Variants in PCDHGA8 observed in about 807,000 individuals in gnomAD.
The protein encoded by PCDHGA8 is protocadherin gamma subfamily A, 8.
Under a neutral mutation model 59.2 loss-of-function variants are expected in PCDHGA8, and 45 were observed. That is an observed-to-expected ratio of 0.76 (90% CI 0.60 to 0.98). The LOEUF is 0.98. PCDHGA8 is among the 50% of genes least tolerant of loss of function. The probability of loss-of-function intolerance (pLI) is 0.00; values close to 1 mark genes in which losing one functional copy is unlikely to be tolerated. For synonymous variants in PCDHGA8, 531 were observed against 519.0 expected, an observed-to-expected ratio of 1.02 and a Z score of -0.32; for missense variants, 1,257 against 1,196.2, an observed-to-expected ratio of 1.05 and a Z score of -0.75.
At chr5:141,500,182 A>ATTT (rs1199992745) in intron 2 of PCDHGA8, among the ~76,000 whole-genome samples, 1 of 131,622 alleles carries the variant, frequency 7.6e-6, no homozygotes, top group African/African-American at 3.1e-5. Context: ...CTTCATTTTT[A>ATTT]TTTTTATTTA....
intron 1 of PCDHGA8, chr5:141,428,437 C>G: frequency 2.5e-6 from 1 of 400,386 alleles, no homozygotes; most frequent in East Asian, 5.4e-5. Flanking sequence ...TAAGACTAGA[C>G]CAGGGGTTTT....
chr5:141,392,735 C>T lies in PCDHGA8; in HGVS notation c.-79C>T. The T allele has an allele frequency of 7.0e-7, 1 of 1,428,540 alleles. No individual in the cohort carries two copies. Among genetic ancestry groups the T allele is most frequent in the East Asian group, 2.5e-5 (1 of 39,462 alleles). 88.5% of individuals were successfully genotyped at this position (1,428,540 alleles called of 1,614,324 possible). A position where few individuals can be genotyped will look rare whatever the true frequency, so the allele number is the denominator to read the frequency against. ...CCAGGTTTCCGGAGGATTGTCATCT[C>T]CATAGCTGCGGCAAGAAACTAAATA... On this transcript the variant is annotated 5_prime_UTR_variant, in exon 1 of 4. Coordinates refer to ENST00000398604, the MANE Select transcript of PCDHGA8 (RefSeq NM_032088.2).
chr5:141,500,184 T>TTTTATTTA (rs58019021), intron 2 of PCDHGA8, among the ~76,000 whole-genome samples: 1,392 of 135,954 alleles, frequency 0.01, 12 homozygotes, highest in South Asian at 0.02. Flanking sequence ...TCATTTTTAT[T>TTTTATTTA]TTTATTTATT....
chr5:141,431,476 A>G lies in PCDHGA8; in HGVS notation c.2424+36239A>G, dbSNP rs975772031. 1.9e-6 allele frequency: 3 copies of G among 1,613,864 alleles called. No homozygotes were observed. Among genetic ancestry groups the G allele is most frequent in the Admixed American group, 3.3e-5 (2 of 60,032 alleles). ...TGGTTCTGGATGCGAACGACAACGC[A>G]CCAGCGTTTGCTCAGCCCGAGTACC... On this transcript the variant is annotated intron_variant, in intron 1 of 3. Coordinates refer to ENST00000398604, the MANE Select transcript of PCDHGA8 (RefSeq NM_032088.2). This position sits in a 1 kb window ranked among gnomAD's most constrained non-coding sequence, Gnocchi z 4.8.
At chr5:141,414,762 T>G in intron 1 of PCDHGA8, 1 of 1,614,210 alleles carries the variant, frequency 6.2e-7, no homozygotes. Context: ...ATGAGCAGTT[T>G]CATGAGCTAC....
rs1340366910 is a variant in PCDHGA8 at position 141,490,965 on chromosome 5, C to T, written c.2425-3842C>T. The T allele has an allele frequency of 2.5e-6, 4 of 1,613,738 alleles. No homozygotes were observed. The highest frequency in any genetic ancestry group is 2.7e-5 in the African/African-American group (2 of 74,934). On this transcript the variant is annotated intron_variant, in intron 1 of 3. Transcript: ENST00000398604. This position sits in a 1 kb window ranked among gnomAD's most constrained non-coding sequence, Gnocchi z 5.4. Reference sequence around the variant, plus strand: ...CACGGCCAGACTGGGAACACTCAGCCCCCCAGCGTCTCCCTCGCTCTGCTC... The same window carrying T: ...CACGGCCAGACTGGGAACACTCAGCTCCCCAGCGTCTCCCTCGCTCTGCTC...
Position 141,408,343 on chromosome 5 carries a change from G to A in PCDHGA8, c.2424+13106G>A, listed in dbSNP as rs780878986. On this transcript the variant is annotated intron_variant, in intron 1 of 3. Transcript: ENST00000398604. Reference sequence around the variant, plus strand: ...AGGAGCTGGCCAAGGGCTCGGTGGTGGGGAACCTCGCTAAGGATCTAGGGC... The same window carrying A: ...AGGAGCTGGCCAAGGGCTCGGTGGTAGGGAACCTCGCTAAGGATCTAGGGC... The A allele has an allele frequency of 1.9e-6, 3 of 1,613,924 alleles. No individual in the cohort carries two copies. In the South Asian group the frequency reaches 3.3e-5, roughly 18 times the overall value.
intron 1 of PCDHGA8, chr5:141,433,123 C>G (rs575738328): frequency 3.7e-6 from 6 of 1,614,116 alleles, no homozygotes; most frequent in Non-Finnish European, 5.1e-6. Context: ...TTGAAAAAAG[C>G]GAGCCCCTTT....
At chr5:141,478,821 A>G (rs72790063) in intron 1 of PCDHGA8, 38,524 of 1,444,166 alleles carry the variant, frequency 0.027, 650 homozygotes, top group East Asian at 0.045. Flanking sequence ...CAACTAACCA[A>G]TCTTGCTAAG....
At chr5:141,433,358 C>CCTAT (rs3074541) in intron 1 of PCDHGA8, 148,925 of 502,316 alleles carry the variant, frequency 0.3, 18,760 homozygotes, top group East Asian at 0.33. Flanking sequence ...CTACTGTCTG[C>CCTAT]CTATCTATCT....
rs117345436 is a variant in PCDHGA8 at position 141,492,015 on chromosome 5, G to T, written c.2425-2792G>T. 1,356 of 600,608 alleles carry T rather than the reference G, an allele frequency of 2.3e-3. 40 individuals carry two copies. The East Asian group carries it at 0.038, about 17-fold the overall frequency. The allele number at this position is 600,608 out of a possible 1,614,324, so 37.2% of individuals were successfully genotyped here. A position where few individuals can be genotyped will look rare whatever the true frequency, so the allele number is the denominator to read the frequency against. ...ATTTCGGGCGATTTCCGCGGGTGTC[G>T]GGGGTCCCGGGAGGAGGCAGTCACA... On this transcript the variant is annotated intron_variant, in intron 1 of 3. Transcript: ENST00000398604.
rs1359061127 is a variant in PCDHGA8 at position 141,394,406 on chromosome 5, G to A, written c.1593G>A (p.Leu531=). ...DYEQIRDLQL[L]VTASDSGDPP... ...AGCAGATCCGAGACCTGCAGCTACTGGTAACAGCCAGCGACAGCGGGGACC... is the reference window on the plus strand; with the variant it reads ...AGCAGATCCGAGACCTGCAGCTACTAGTAACAGCCAGCGACAGCGGGGACC... The change falls in exon 1 of 4, where the codon CTG becomes CTA. Residue 531 remains leucine (L), a synonymous_variant. Transcript: ENST00000398604. The A allele has an allele frequency of 6.2e-7, 1 of 1,614,180 alleles. No individual in the cohort carries two copies. Among genetic ancestry groups the A allele is most frequent in the South Asian group, 1.1e-5 (1 of 91,086 alleles).
chr5:141,431,833 AAACTCT>A lies in PCDHGA8; in HGVS notation c.2424+36597_2424+36602del. The A allele has an allele frequency of 1.2e-6, 2 of 1,614,278 alleles. No homozygotes were observed. Among genetic ancestry groups the A allele is most frequent in the Non-Finnish European group, 1.7e-6 (2 of 1,180,044 alleles). ...CCTCTCTCGCCAGCTCGGTTCCCGA[AAACTCT>A]CCCAGAGGGACATTAATTGCCCTTT... is the stretch of plus-strand genomic sequence containing the variant. On this transcript the variant is annotated intron_variant, in intron 1 of 3. Transcript: ENST00000398604. This position sits in a 1 kb window ranked among gnomAD's most constrained non-coding sequence, Gnocchi z 4.8.
intron 1 of PCDHGA8, chr5:141,418,513 G>T (rs377653202): frequency 1.1e-4 from 173 of 1,613,842 alleles, no homozygotes; most frequent in Non-Finnish European, 1.2e-4. Flanking sequence ...TAGATGGTGG[G>T]GACCCTCCCC....
chr5:141,476,071 T>A lies in PCDHGA8; in HGVS notation c.2425-18736T>A. On this transcript the variant is annotated intron_variant, in intron 1 of 3. Transcript: ENST00000398604. The surrounding 1 kb of genome is among the most constrained non-coding windows in gnomAD (Gnocchi z 7.6). ...CCGCTGAAAGTTTCTCAGCGAAATC[T>A]CAGGGACGATCTGGACCCCGCTGAG... 6.6e-7 allele frequency: 1 copy of A among 1,522,792 alleles called. No individual in the cohort carries two copies. The highest frequency in any genetic ancestry group is 8.8e-7 in the Non-Finnish European group (1 of 1,142,680). 94.3% of individuals were successfully genotyped at this position (1,522,792 alleles called of 1,614,324 possible).
In PCDHGA8 at chr5:141,393,747, T is replaced by C. The variant is rs1375394315; in HGVS notation, c.934T>C (p.Cys312Arg). The C allele has an allele frequency of 6.2e-7, 1 of 1,613,866 alleles. No individual in the cohort carries two copies. Among genetic ancestry groups the C allele is most frequent in the Admixed American group, 1.7e-5 (1 of 60,030 alleles). ...SIAKSLDYEE[C>R]SFYEMEIQAE... ...AGCAAAAAGTCTAGATTATGAAGAA[T>C]GTTCATTTTATGAAATGGAAATACA... Residue 312 changes from cysteine to arginine, a missense_variant, in exon 1 of 4, where the codon TGT (cysteine) becomes CGT (arginine). By Grantham distance (180) the Cys-to-Arg change is radical. Coordinates refer to ENST00000398604, the MANE Select transcript of PCDHGA8 (RefSeq NM_032088.2).
chr5:141,420,251 G>A lies in PCDHGA8; in HGVS notation c.2424+25014G>A, dbSNP rs778777293. ...TAGCATTTTAACTCCCAGCGTTGAA[G>A]CAGATAAGAAGATTCTTAAACAGGT... is the stretch of plus-strand genomic sequence containing the variant. On this transcript the variant is annotated intron_variant, in intron 1 of 3. Transcript: ENST00000398604. The A allele has an allele frequency of 2.9e-5, 46 of 1,578,746 alleles. No homozygotes were observed. In the South Asian group the frequency reaches 4.5e-4, roughly 15 times the overall value.
intron 1 of PCDHGA8, chr5:141,395,652 A>C (rs2093296938): frequency 6.0e-6 from 1 of 165,528 alleles, no homozygotes; most frequent in Admixed American, 6.1e-5. Context: ...TTAGCTTAGC[A>C]AAAGTAAAAT....
chr5:141,409,205 A>T, intron 1 of PCDHGA8: 1 of 1,614,068 alleles, frequency 6.2e-7, no homozygotes, highest in African/African-American at 1.3e-5. Context: ...TAAAGTAATC[A>T]TAGAAATCCT....
Sources: allele counts gnomAD v4.1 joint callset (sites outside exome capture counted in the v4.1 genomes callset), GRCh38; gene constraint gnomAD v4.1.1; non-coding constraint Gnocchi (gnomAD v3.1); transcripts MANE v1.5; gene names NCBI Gene and HGNC (gene_info 2026-07-23, HGNC 2026-07-21).